Variants in CTNNA1 observed in about 807,000 individuals in gnomAD.
CTNNA1 encodes the protein catenin alpha 1.
A neutral mutation model predicts 98.4 loss-of-function variants in CTNNA1; 37 were observed. The observed-to-expected ratio is 0.38, with a 90% CI of 0.29 to 0.49. CTNNA1 has a LOEUF of 0.49. Ranked by LOEUF, CTNNA1 falls within the 20% of genes least tolerant of loss-of-function variation. The pLI, the probability that CTNNA1 is intolerant of heterozygous loss-of-function variation, is 0.95. For missense variants in CTNNA1, 761 were observed against 1,147.2 expected (o/e 0.66, Z 4.86); for synonymous variants, 404 against 413.2 (o/e 0.98, Z 0.27).
At chr5:138,883,769 GA>G (rs2150008631) in intron 7 of CTNNA1, among the ~76,000 whole-genome samples, 1 of 152,304 alleles carries the variant, frequency 6.6e-6, no homozygotes, top group East Asian at 1.9e-4. Flanking sequence ...GGTTTATTTA[GA>G]GAAATTTTCT....
chr5:138,892,656 T>C (rs947456251), intron 9 of CTNNA1, among the ~76,000 whole-genome samples: 1 of 152,076 alleles, frequency 6.6e-6, no homozygotes, highest in African/African-American at 2.4e-5. Context: ...AATAATTTTT[T>C]ATATTGCTTG....
rs1272484614 is a variant in CTNNA1 at position 138,797,613 on chromosome 5, T to A, written c.302-12425T>A. On this transcript the variant is annotated intron_variant, in intron 3 of 17. Transcript: ENST00000302763. ...AGCTATTTAAAAGTATCCTTAGTAT[T>A]ATTTTGGGGAAGGAGATATAACTTT... Among the ~76,000 whole-genome samples the A allele has an allele frequency of 2.6e-5, 4 of 152,158 alleles. No homozygotes were observed. In the East Asian group the frequency reaches 7.7e-4, roughly 29 times the overall value.
intron 9 of CTNNA1, among the ~76,000 whole-genome samples, chr5:138,891,701 G>C (rs921039805): frequency 1.3e-5 from 2 of 152,222 alleles, no homozygotes; most frequent in East Asian, 3.9e-4. Context: ...GGAGGTTGCA[G>C]TCAACCGAGG....
intron 5 of CTNNA1, among the ~76,000 whole-genome samples, chr5:138,821,711 A>G (rs1760062653): frequency 6.6e-6 from 1 of 152,192 alleles, no homozygotes; most frequent in Admixed American, 6.5e-5. Context: ...TATCATTCAG[A>G]TTACATTGAA....
chr5:138,807,380 C>G (rs939986498), intron 3 of CTNNA1, among the ~76,000 whole-genome samples: 3 of 151,886 alleles, frequency 2.0e-5, no homozygotes, highest in Non-Finnish European at 4.4e-5. Context: ...TGCCCACATC[C>G]TTCCTCTCCT....
intron 7 of CTNNA1, chr5:138,869,059 C>G (rs1024826574): frequency 6.0e-5 from 9 of 150,192 alleles, no homozygotes; most frequent in African/African-American, 2.2e-4. Flanking sequence ...ACCTCCCACC[C>G]AAAAAGAAAA....
intron 7 of CTNNA1, among the ~76,000 whole-genome samples, chr5:138,885,362 G>T (rs1244324911): frequency 6.6e-6 from 1 of 152,098 alleles, no homozygotes; most frequent in Non-Finnish European, 1.5e-5. Flanking sequence ...AACCGTATTT[G>T]TTTTGCGAAA....
At chr5:138,924,275 A>AT (rs1206042759) in intron 11 of CTNNA1, among the ~76,000 whole-genome samples, 17 of 128,536 alleles carry the variant, frequency 1.3e-4, no homozygotes, top group African/African-American at 3.9e-4. Flanking sequence ...TGTGTTTTTT[A>AT]TTTTTTGTTT....
chr5:138,858,594 CTTT>C (rs147487025), intron 7 of CTNNA1, among the ~76,000 whole-genome samples: 1 of 124,048 alleles, frequency 8.1e-6, no homozygotes, highest in Non-Finnish European at 1.7e-5. Flanking sequence ...TTTTCTTTTT[CTTT>C]TTTTTTTTTT....
intron 7 of CTNNA1, among the ~76,000 whole-genome samples, chr5:138,834,188 G>A (rs1256459807): frequency 6.6e-6 from 1 of 152,156 alleles, no homozygotes; most frequent in African/African-American, 2.4e-5. Context: ...GGACTCTGAA[G>A]AGCTTGTTAC....
At position 138,873,140 on chromosome 5, in the gene CTNNA1, T is replaced by C. The variant is rs147794069; in HGVS notation, c.1063-13072T>C. ...TCCTTGGTCTGACATGTTTGACATA[T>C]GGAGTCGTGTTTGGGATCGGAGCTG... is the stretch of plus-strand genomic sequence containing the variant. On this transcript the variant is annotated intron_variant, in intron 7 of 17. Transcript: ENST00000302763. The surrounding 1 kb of genome is among the most constrained non-coding windows in gnomAD (Gnocchi z 6.1). The C allele has an allele frequency of 3.3e-5, 54 of 1,614,022 alleles. No homozygotes were observed. The highest frequency in any genetic ancestry group is 2.3e-4 in the Admixed American group (14 of 60,028).
chr5:138,818,041 G>A (rs1158766467), intron 5 of CTNNA1, among the ~76,000 whole-genome samples: 1 of 151,942 alleles, frequency 6.6e-6, no homozygotes, highest in Non-Finnish European at 1.5e-5. Context: ...CAACCAAGTA[G>A]CTGGGATTAC....
intron 9 of CTNNA1, among the ~76,000 whole-genome samples, chr5:138,895,805 A>G (rs1756672947): frequency 6.6e-6 from 1 of 152,202 alleles, no homozygotes; most frequent in Non-Finnish European, 1.5e-5. Flanking sequence ...AGAGTTTGAA[A>G]TGAAAGTTGA....
At chr5:138,803,225 C>G (rs967658682) in intron 3 of CTNNA1, among the ~76,000 whole-genome samples, 1 of 151,160 alleles carries the variant, frequency 6.6e-6, no homozygotes, top group Non-Finnish European at 1.5e-5. Context: ...ATGATCGTGG[C>G]TCACTGCAAC....
chr5:138,909,812 A>G (rs1483408591), intron 10 of CTNNA1, among the ~76,000 whole-genome samples: 1 of 152,212 alleles, frequency 6.6e-6, no homozygotes. Flanking sequence ...TCAAATAAGC[A>G]TAAACTCAGG....
At chr5:138,855,543 T>C (rs1763656180) in intron 7 of CTNNA1, among the ~76,000 whole-genome samples, 1 of 152,252 alleles carries the variant, frequency 6.6e-6, no homozygotes, top group Non-Finnish European at 1.5e-5. Flanking sequence ...AGGTGAGTTT[T>C]CATCTTCCTT....
intron 6 of CTNNA1, among the ~76,000 whole-genome samples, chr5:138,826,587 T>G (rs1479095899): frequency 6.6e-6 from 1 of 152,012 alleles, no homozygotes; most frequent in Non-Finnish European, 1.5e-5. Flanking sequence ...ACAGCTTAGG[T>G]TTTTGGGAGG....
At chr5:138,758,187 TTTTA>T (rs1751903660) in intron 1 of CTNNA1, among the ~76,000 whole-genome samples, 3 of 151,388 alleles carry the variant, frequency 2.0e-5, no homozygotes, top group Admixed American at 6.6e-5. Flanking sequence ...GGTATTTTAA[TTTTA>T]TTTATTTTAT....
rs539371237 is a variant in CTNNA1 at position 138,794,110 on chromosome 5, C to T, written c.301+10738C>T. On this transcript the variant is annotated intron_variant, in intron 3 of 17. Transcript: ENST00000302763. ...TCGGCTCACTGCAACCTCCGCCTCCCGGGTTCAAGTGATTCTCCTGCCTCA... is the reference window on the plus strand; with the variant it reads ...TCGGCTCACTGCAACCTCCGCCTCCTGGGTTCAAGTGATTCTCCTGCCTCA... Among the ~76,000 whole-genome samples, 118 of 150,538 alleles carry T rather than the reference C, an allele frequency of 7.8e-4. 3 individuals are homozygous for T. The South Asian group carries it at 0.02, about 26-fold the overall frequency.
Sources: gnomAD v4.1 joint callset for allele counts (sites outside exome capture counted in the v4.1 genomes callset) on GRCh38, gnomAD v4.1.1 for gene constraint, Gnocchi (gnomAD v3.1) non-coding constraint, MANE v1.5 for transcripts, NCBI Gene and HGNC (gene_info 2026-07-23, HGNC 2026-07-21) for gene names.